Variants in EIF3A observed in about 807,000 individuals in gnomAD.
The protein encoded by EIF3A is EIF3, p180 subunit.
In EIF3A, 21 loss-of-function variants were observed where a neutral mutation model predicts 186.6. That is an observed-to-expected ratio of 0.11 (90% CI 0.08 to 0.16). The LOEUF (loss-of-function observed/expected upper bound fraction) is 0.16. EIF3A is among the 10% of genes least tolerant of loss of function. The pLI, the probability that EIF3A is intolerant of heterozygous loss-of-function variation, is 1.00. For synonymous variants in EIF3A, 563 were observed against 584.3 expected, an observed-to-expected ratio of 0.96 and a Z score of 0.52; for missense variants, 1,306 against 1,796.3, an observed-to-expected ratio of 0.73 and a Z score of 4.93.
intron 14 of EIF3A, among the ~76,000 whole-genome samples, chr10:119,055,553 GAAGA>G (rs1848414012): frequency 6.6e-6 from 1 of 151,988 alleles, no homozygotes; most frequent in African/African-American, 2.4e-5. Flanking sequence ...ATATGTAAAA[GAAGA>G]AATAAGAATA....
intron 17 of EIF3A, among the ~76,000 whole-genome samples, chr10:119,048,159 A>AAGTG: frequency 7.5e-6 from 1 of 133,850 alleles, no homozygotes; most frequent in East Asian, 2.1e-4. Flanking sequence ...ATGAGTACCA[A>AAGTG]CCAATGAAAG....
chr10:119,079,600 C>T (rs1844230581), intron 1 of EIF3A, among the ~76,000 whole-genome samples: 1 of 151,890 alleles, frequency 6.6e-6, no homozygotes, highest in African/African-American at 2.4e-5. Flanking sequence ...AAAAAAAACC[C>T]TACACAAAGT....
intron 17 of EIF3A, among the ~76,000 whole-genome samples, chr10:119,045,509 C>T (rs1226199899): frequency 6.6e-6 from 1 of 152,284 alleles, no homozygotes; most frequent in East Asian, 1.9e-4. Context: ...GAAGGCCAAG[C>T]TTCTCCCACC....
rs1844252162 is a variant in EIF3A at position 119,080,734 on chromosome 10, G to A, written c.-58C>T. On this transcript the variant is annotated 5_prime_UTR_variant, in exon 1 of 22. Coordinates refer to ENST00000369144, the MANE Select transcript of EIF3A (RefSeq NM_003750.4). ...CGAACTCTCTAGTGGCCCGGGCCGGGAGAGGAGACGAAGGGGAACCAGCGT... is the reference window on the plus strand; with the variant it reads ...CGAACTCTCTAGTGGCCCGGGCCGGAAGAGGAGACGAAGGGGAACCAGCGT... The A allele has an allele frequency of 6.5e-7, 1 of 1,547,470 alleles. No individual in the cohort carries two copies. The highest frequency in any genetic ancestry group is 2.0e-5 in the Admixed American group (1 of 50,572).
chr10:119,067,160 G>A (rs1315008278), intron 6 of EIF3A, among the ~76,000 whole-genome samples: 6 of 151,752 alleles, frequency 4.0e-5, no homozygotes, highest in South Asian at 2.1e-4. Flanking sequence ...AGGTTGCAGC[G>A]AGCCAAGACT....
chr10:119,045,874 TC>T, intron 17 of EIF3A, among the ~76,000 whole-genome samples: 1 of 152,180 alleles, frequency 6.6e-6, no homozygotes, highest in Admixed American at 6.5e-5. Flanking sequence ...GCCCAGCAGA[TC>T]CAAGAGCAGA....
At chr10:119,077,048 A>G (rs1844187735) in intron 1 of EIF3A, among the ~76,000 whole-genome samples, 2 of 152,184 alleles carry the variant, frequency 1.3e-5, no homozygotes, top group South Asian at 4.1e-4. Flanking sequence ...AATGGAATTT[A>G]TACTTTAAGA....
intron 1 of EIF3A, 67 bp downstream of exon 1, chr10:119,080,561 G>T: frequency 6.6e-7 from 1 of 1,522,288 alleles, no homozygotes; most frequent in Non-Finnish European, 8.8e-7. Flanking sequence ...GTGGGAAGCA[G>T]GCCCGCGCTC....
Position 119,042,069 on chromosome 10 carries a change from G to C in EIF3A, c.3451C>G (p.Arg1151Gly). The change falls in exon 19 of 22, where the codon CGT (arginine) becomes GGT (glycine). Residue 1151 changes from arginine to glycine, a missense_variant. Arg to Gly is a moderately radical substitution (Grantham distance 125, BLOSUM62 -2). Around this residue, in one of 8 missense-constraint regions of EIF3A, gnomAD observed 331 missense variants for 365.8 expected, o/e 0.90. Coordinates refer to ENST00000369144, the MANE Select transcript of EIF3A (RefSeq NM_003750.4). This position sits in a 1 kb window ranked among gnomAD's most constrained non-coding sequence, Gnocchi z 7.8. ...CTGGGAAACCGATCATCATCAGCACGTCTTGAAAGGCGATCATCATCCATG... is the reference window on the plus strand; with the variant it reads ...CTGGGAAACCGATCATCATCAGCACCTCTTGAAAGGCGATCATCATCCATG... ...RNMDDDRLSR[R>G]ADDDRFPRRG... 6 of 1,614,162 alleles carry C rather than the reference G, an allele frequency of 3.7e-6. No individual in the cohort carries two copies. The highest frequency in any genetic ancestry group is 5.1e-6 in the Non-Finnish European group (6 of 1,180,024).
chr10:119,041,900 T>A, intron 19 of EIF3A, 94 bp downstream of exon 19: 1 of 1,330,534 alleles, frequency 7.5e-7, no homozygotes, highest in Non-Finnish European at 1.0e-6. Flanking sequence ...GACCAGTTTA[T>A]CTGGAAAATA....
At chr10:119,049,493 C>CAAAAA (rs67696743) in intron 17 of EIF3A, among the ~76,000 whole-genome samples, 5 of 112,690 alleles carry the variant, frequency 4.4e-5, no homozygotes, top group Admixed American at 1.0e-4. Context: ...GACTCTGTCT[C>CAAAAA]AAAAAAAAAA....
chr10:119,073,993 T>G, intron 1 of EIF3A, 56 bp from the exon 2 acceptor site: 1 of 1,387,944 alleles, frequency 7.2e-7, no homozygotes, highest in Non-Finnish European at 9.5e-7. Flanking sequence ...GAGTCTAAAC[T>G]TTACCTTTTT....
In EIF3A at chr10:119,080,183, C is replaced by A. The variant is rs548401485; in HGVS notation, c.49+445G>T. On this transcript the variant is annotated intron_variant, in intron 1 of 21. Transcript: ENST00000369144. ...CTCCCGGCCCGGGCAGGAGGTGGAGCCGAGGCTCTCGCGTGCATTGTCCCC... is the reference window on the plus strand; with the variant it reads ...CTCCCGGCCCGGGCAGGAGGTGGAGACGAGGCTCTCGCGTGCATTGTCCCC... 7.2e-5 allele frequency among the ~76,000 whole-genome samples: 11 copies of A among 152,242 alleles called. No individual in the cohort carries two copies. In the East Asian group the frequency reaches 2.1e-3, roughly 30 times the overall value.
chr10:119,072,539 G>A (rs1472309733), intron 4 of EIF3A, among the ~76,000 whole-genome samples: 4 of 152,066 alleles, frequency 2.6e-5, no homozygotes, highest in African/African-American at 4.8e-5. Context: ...TGCAACCTCC[G>A]CCTCCTGGGT....
intron 9 of EIF3A, 108 bp from the exon 10 acceptor site, chr10:119,059,826 T>A (rs1341141765): frequency 1.3e-6 from 1 of 783,218 alleles, no homozygotes; most frequent in African/African-American, 1.7e-5. Flanking sequence ...AGAGAATTTA[T>A]GTTAGCAGTA....
chr10:119,073,642 G>C (rs972065966), intron 2 of EIF3A, 65 bp from the exon 3 acceptor site: 11 of 1,576,850 alleles, frequency 7.0e-6, no homozygotes, highest in Middle Eastern at 1.7e-4. Flanking sequence ...ATGTTTTAAA[G>C]GCAAATTTTT....
intron 1 of EIF3A, among the ~76,000 whole-genome samples, chr10:119,078,260 T>G (rs1415581685): frequency 6.6e-6 from 1 of 152,206 alleles, no homozygotes. Flanking sequence ...CTCCAAATGA[T>G]TACAGGATAC....
chr10:119,079,548 C>T (rs1025202350), intron 1 of EIF3A, among the ~76,000 whole-genome samples: 2 of 151,956 alleles, frequency 1.3e-5, no homozygotes, highest in Non-Finnish European at 2.9e-5. Context: ...TAAGAGCTAT[C>T]CATGCCCTAA....
chr10:119,049,043 T>G (rs1349230133), intron 17 of EIF3A, among the ~76,000 whole-genome samples: 1 of 152,186 alleles, frequency 6.6e-6, no homozygotes, highest in Non-Finnish European at 1.5e-5. Flanking sequence ...GGACAAAACT[T>G]TCATGACACG....
Sources: gnomAD v4.1 joint callset for allele counts (sites outside exome capture counted in the v4.1 genomes callset) on GRCh38, gnomAD v4.1.1 for gene constraint, gnomAD v4.1.1 regional missense constraint, Gnocchi (gnomAD v3.1) non-coding constraint, MANE v1.5 for transcripts, NCBI Gene and HGNC (gene_info 2026-07-23, HGNC 2026-07-21) for gene names.